ADARB2: variants seen among roughly 807,000 people sequenced by gnomAD.
ADARB2 encodes adenosine deaminase RNA specific B2 (inactive), also known as inactive double-stranded RNA-specific editase B2.
A neutral mutation model predicts 62.2 loss-of-function variants in ADARB2; 25 were observed. That is an observed-to-expected ratio of 0.40 (90% CI 0.29 to 0.56). ADARB2 has a LOEUF of 0.56. ADARB2 is among the 20% of genes least tolerant of loss of function. The pLI is 0.43. For missense variants in ADARB2, 1,071 were observed against 1,077.4 expected (o/e 0.99, Z 0.08); for synonymous variants, 572 against 500.8 (o/e 1.14, Z -1.90).
chr10:1,535,899 TG>T (rs1182438151), intron 1 of ADARB2, among the ~76,000 whole-genome samples: 2 of 152,190 alleles, frequency 1.3e-5, no homozygotes, highest in Non-Finnish European at 2.9e-5. Flanking sequence ...AGGGCCTGTC[TG>T]GGGAGTGCCG....
intron 1 of ADARB2, among the ~76,000 whole-genome samples, chr10:1,432,956 A>G (rs1029565533): frequency 1.3e-5 from 2 of 152,046 alleles, no homozygotes; most frequent in African/African-American, 4.8e-5. Context: ...ATGGATCCTC[A>G]GTTTTAAAGG....
intron 1 of ADARB2, among the ~76,000 whole-genome samples, chr10:1,408,066 C>A (rs953541123): frequency 2.6e-5 from 4 of 152,184 alleles, no homozygotes; most frequent in African/African-American, 9.7e-5. Context: ...TTTATACTGT[C>A]TTAGCTTGAG....
chr10:1,410,587 C>T (rs369784965), intron 1 of ADARB2, among the ~76,000 whole-genome samples: 12 of 152,150 alleles, frequency 7.9e-5, no homozygotes, highest in South Asian at 6.2e-4. Flanking sequence ...AGAAATATTA[C>T]GACGTTAAAA....
chr10:1,611,423 A>C (rs376773419), intron 1 of ADARB2, among the ~76,000 whole-genome samples: 4 of 152,210 alleles, frequency 2.6e-5, no homozygotes, highest in Admixed American at 2.0e-4. Context: ...TTTCGTTGGA[A>C]AGCAGCTGCC....
intron 3 of ADARB2, among the ~76,000 whole-genome samples, chr10:1,359,657 C>T (rs556420275): frequency 7.2e-5 from 11 of 152,302 alleles, no homozygotes; most frequent in South Asian, 6.2e-4. Flanking sequence ...TGCAGGTCTC[C>T]GAGGGCCTTT....
intron 3 of ADARB2, among the ~76,000 whole-genome samples, chr10:1,312,470 T>C (rs1204831286): frequency 2.0e-5 from 3 of 152,200 alleles, no homozygotes; most frequent in Non-Finnish European, 4.4e-5. Context: ...ACTGAACAGA[T>C]TTCAAAGACC....
chr10:1,428,702 C>T (rs1830742525), intron 1 of ADARB2, among the ~76,000 whole-genome samples: 1 of 151,996 alleles, frequency 6.6e-6, no homozygotes, highest in Non-Finnish European at 1.5e-5. Flanking sequence ...GGGGGGTGTG[C>T]TTATGAAAGG....
chr10:1,224,663 C>G (rs1232555078), intron 6 of ADARB2, among the ~76,000 whole-genome samples: 1 of 152,174 alleles, frequency 6.6e-6, no homozygotes, highest in African/African-American at 2.4e-5. Flanking sequence ...ATCTTTATTT[C>G]TGCCTTCATT....
intron 3 of ADARB2, among the ~76,000 whole-genome samples, chr10:1,326,881 A>G (rs1356129755): frequency 1.6e-4 from 11 of 70,250 alleles, no homozygotes; most frequent in African/African-American, 3.2e-4. Context: ...CCCACGGCAC[A>G]GCGCCTCCCC....
At position 1,662,029 on chromosome 10, in the gene ADARB2, C is replaced by T. The variant is rs551707254; in HGVS notation, c.100+75022G>A. Among the ~76,000 whole-genome samples, 7 of 152,256 alleles carry T rather than the reference C, an allele frequency of 4.6e-5. No homozygotes were observed. In the South Asian group the frequency reaches 1.5e-3, roughly 32 times the overall value. ...TCCTCTCAGGGCATGTGCATTGAGC[C>T]CAGGAGTCCCCAGGGAGGTCCACAC... On this transcript the variant is annotated intron_variant, in intron 1 of 9. Transcript: ENST00000381312.
chr10:1,189,956 C>T (rs1034905736), intron 8 of ADARB2, among the ~76,000 whole-genome samples: 7 of 151,896 alleles, frequency 4.6e-5, no homozygotes, highest in African/African-American at 1.7e-4. Context: ...CTACCTCCTT[C>T]CCCAGTTCAC....
intron 1 of ADARB2, among the ~76,000 whole-genome samples, chr10:1,605,434 G>A (rs1273374147): frequency 1.3e-5 from 2 of 152,212 alleles, no homozygotes; most frequent in Admixed American, 6.5e-5. Context: ...GCCAATCTCT[G>A]ATTCTGGATT....
At chr10:1,210,392 A>G (rs1837134622) in intron 7 of ADARB2, among the ~76,000 whole-genome samples, 1 of 152,250 alleles carries the variant, frequency 6.6e-6, no homozygotes, top group Non-Finnish European at 1.5e-5. Context: ...AGAAGCAAAT[A>G]TGACCACGGG....
At chr10:1,532,710 T>G (rs530266457) in intron 1 of ADARB2, among the ~76,000 whole-genome samples, 1 of 152,262 alleles carries the variant, frequency 6.6e-6, no homozygotes, top group African/African-American at 2.4e-5. Flanking sequence ...GAAACATTTC[T>G]TTAGGGGGAT....
intron 1 of ADARB2, among the ~76,000 whole-genome samples, chr10:1,407,463 A>C (rs1282408735): frequency 6.6e-6 from 1 of 152,190 alleles, no homozygotes. Context: ...TTTTCTCTGC[A>C]GGGCTAGGCT....
intron 1 of ADARB2, among the ~76,000 whole-genome samples, chr10:1,389,788 A>AAAT (rs1167514090): frequency 6.9e-4 from 102 of 148,276 alleles, no homozygotes; most frequent in African/African-American, 2.5e-3. Context: ...AATAAATAAT[A>AAAT]AATAAAAAAT....
intron 1 of ADARB2, among the ~76,000 whole-genome samples, chr10:1,602,080 C>T (rs1279910450): frequency 1.3e-5 from 2 of 152,166 alleles, no homozygotes; most frequent in African/African-American, 2.4e-5. Context: ...CAGGGACAGG[C>T]TCAGAGGGCC....
intron 3 of ADARB2, among the ~76,000 whole-genome samples, chr10:1,330,334 T>G (rs1183537763): frequency 2.0e-5 from 3 of 152,202 alleles, no homozygotes; most frequent in Non-Finnish European, 4.4e-5. Context: ...CCCCAAGTAC[T>G]TTAGAGCATT....
At chr10:1,235,048 C>T (rs1285245400) in intron 5 of ADARB2, among the ~76,000 whole-genome samples, 1 of 152,142 alleles carries the variant, frequency 6.6e-6, no homozygotes, top group Non-Finnish European at 1.5e-5. Flanking sequence ...CACTGGGCCC[C>T]ACCATGATCT....
Sources: allele counts gnomAD v4.1 joint callset (sites outside exome capture counted in the v4.1 genomes callset), GRCh38; gene constraint gnomAD v4.1.1; transcripts MANE v1.5; gene names NCBI Gene and HGNC (gene_info 2026-07-23, HGNC 2026-07-21).